The following SDK1 variants were observed in gnomAD, a reference collection of about 807,000 sequenced individuals.
The protein encoded by SDK1 is sidekick cell adhesion molecule 1, also known as protein sidekick-1.
SDK1 carries 157 observed loss-of-function variants against 245.5 expected under a neutral mutation model. The observed-to-expected ratio is 0.64, with a 90% CI of 0.56 to 0.73. SDK1 has a LOEUF of 0.73. Ranked by LOEUF, SDK1 falls within the 30% of genes least tolerant of loss-of-function variation. SDK1 has a pLI of 0.00. For missense variants in SDK1, 3,583 were observed against 3,002.3 expected, an observed-to-expected ratio of 1.19 and a Z score of -4.52; for synonymous variants, 1,647 against 1,278.5, an observed-to-expected ratio of 1.29 and a Z score of -6.15.
At position 4,189,086 on chromosome 7, in the gene SDK1, A is replaced by T. The variant is rs568443861; in HGVS notation, c.5098+10500A>T. ...AAAAGCAAATGCTCCTGGGATTTTG[A>T]TGGAAACGTATTAAATAGTAAAGGG... On this transcript the variant is annotated intron_variant, in intron 35 of 44. Coordinates refer to ENST00000404826, the MANE Select transcript of SDK1 (RefSeq NM_152744.4). Among the ~76,000 whole-genome samples, 7 of 152,106 alleles carry T rather than the reference A, an allele frequency of 4.6e-5. No individual in the cohort carries two copies. The East Asian group carries it at 1.4e-3, about 29-fold the overall frequency.
At chr7:4,044,807 C>G (rs1034754215) in intron 17 of SDK1, among the ~76,000 whole-genome samples, 7 of 152,004 alleles carry the variant, frequency 4.6e-5, no homozygotes, top group African/African-American at 1.7e-4. Context: ...TAAAACTCAC[C>G]CTTTCTAGAG....
intron 27 of SDK1, among the ~76,000 whole-genome samples, 175 bp from the exon 28 acceptor site, chr7:4,132,150 A>C (rs1784869658): frequency 6.6e-6 from 1 of 152,186 alleles, no homozygotes; most frequent in Non-Finnish European, 1.5e-5. Context: ...AGGGAGCCAC[A>C]CTACCAGTGA....
rs530932556 is a variant in SDK1 at position 3,912,199 on chromosome 7, G to A, written c.848-38724G>A. 4.6e-5 allele frequency among the ~76,000 whole-genome samples: 7 copies of A among 152,324 alleles called. No individual in the cohort carries two copies. The East Asian group carries it at 1.2e-3, about 25-fold the overall frequency. ...CGCTGTGTTTTAGGAAGAGGACTCC[G>A]TAATAGAGAGGATGAGCCAGTGGAT... On this transcript the variant is annotated intron_variant, in intron 5 of 44. Coordinates refer to ENST00000404826, the MANE Select transcript of SDK1 (RefSeq NM_152744.4).
chr7:3,606,868 A>T (rs984898228), intron 1 of SDK1, among the ~76,000 whole-genome samples: 1 of 152,176 alleles, frequency 6.6e-6, no homozygotes, highest in Non-Finnish European at 1.5e-5. Context: ...GTGAAATCAT[A>T]AACCAAAATA....
At chr7:4,245,296 C>G (rs891651165) in intron 43 of SDK1, among the ~76,000 whole-genome samples, 2 of 152,146 alleles carry the variant, frequency 1.3e-5, no homozygotes, top group Admixed American at 6.6e-5. Flanking sequence ...TTCCTCATGA[C>G]TCCATCCTCA....
chr7:3,369,523 C>A (rs1025159354), intron 1 of SDK1, among the ~76,000 whole-genome samples: 2 of 152,102 alleles, frequency 1.3e-5, no homozygotes, highest in Admixed American at 6.5e-5. Context: ...TGTTCTGATC[C>A]AAGGAAAAAG....
chr7:3,420,622 T>G (rs1218416703), intron 1 of SDK1, among the ~76,000 whole-genome samples: 2 of 152,224 alleles, frequency 1.3e-5, no homozygotes, highest in African/African-American at 4.8e-5. Flanking sequence ...GAGCTTGATA[T>G]GTGGCTTAAC....
Position 3,586,564 on chromosome 7 carries a change from G to A in SDK1, c.299-32516G>A, listed in dbSNP as rs1438364531. Reference sequence around the variant, plus strand: ...TACAAAAAAAAAAAAAATTAGCTGGGCATTGTGGCGGGCGCCTGTAGTCCT... The same window carrying A: ...TACAAAAAAAAAAAAAATTAGCTGGACATTGTGGCGGGCGCCTGTAGTCCT... On this transcript the variant is annotated intron_variant, in intron 1 of 44. Transcript: ENST00000404826. 3.3e-5 allele frequency among the ~76,000 whole-genome samples: 5 copies of A among 151,786 alleles called. No individual in the cohort carries two copies. The South Asian group carries it at 6.3e-4, about 19-fold the overall frequency.
rs150106656 is a variant in SDK1, at chr7:4,129,980, G to T, written c.4012G>T (p.Ala1338Ser). The T allele has an allele frequency of 3.7e-6, 6 of 1,613,680 alleles. No individual in the cohort carries two copies. In the African/African-American group the frequency reaches 5.3e-5, roughly 14 times the overall value. The change falls in exon 27 of 45, where the codon GCC becomes TCC. Residue 1338 changes from alanine (A) to serine (S), a missense_variant. Transcript: ENST00000404826. Reference protein sequence around the residue: ...HIVRGNHTQSALLAGLRKFVL... With the variant: ...HIVRGNHTQSSLLAGLRKFVL... ...CGTGCGAGGGAACCACACGCAGTCG[G>T]CCCTGCTGGCAGGCCTGCGCAAGTT... is the stretch of plus-strand genomic sequence containing the variant.
intron 4 of SDK1, among the ~76,000 whole-genome samples, chr7:3,736,568 G>A (rs889522778): frequency 4.6e-5 from 7 of 152,030 alleles, no homozygotes; most frequent in African/African-American, 9.7e-5. Context: ...CACCATGCCC[G>A]GCCACATTAG....
chr7:3,513,230 A>T (rs1782638838), intron 1 of SDK1, among the ~76,000 whole-genome samples: 1 of 152,236 alleles, frequency 6.6e-6, no homozygotes. Context: ...GACTTAGGAC[A>T]GTTCTTGTTT....
chr7:3,832,281 G>A (rs974105934), intron 5 of SDK1, among the ~76,000 whole-genome samples: 4 of 152,072 alleles, frequency 2.6e-5, no homozygotes, highest in African/African-American at 4.8e-5. Context: ...GATTTATATC[G>A]CAGAACTGTT....
intron 4 of SDK1, among the ~76,000 whole-genome samples, chr7:3,676,386 C>T (rs1224652136): frequency 2.1e-5 from 3 of 145,946 alleles, no homozygotes; most frequent in Admixed American, 7.1e-5. Context: ...AGTGCAGTGG[C>T]GCAGTCTCAG....
Position 3,678,523 on chromosome 7 carries a change from G to T in SDK1, c.713+36418G>T, listed in dbSNP as rs138069052. Reference sequence around the variant, plus strand: ...TCACTATGCTAAGTGAAACAAGCCAGACATAAAAGAACACCCATTGTGTGG... The same window carrying T: ...TCACTATGCTAAGTGAAACAAGCCATACATAAAAGAACACCCATTGTGTGG... On this transcript the variant is annotated intron_variant, in intron 4 of 44. Coordinates refer to ENST00000404826, the MANE Select transcript of SDK1 (RefSeq NM_152744.4). 1.7e-3 allele frequency among the ~76,000 whole-genome samples: 259 copies of T among 152,320 alleles called. 1 individual carries two copies. Among genetic ancestry groups the T allele is most frequent in the African/African-American group, 6.1e-3 (253 of 41,564 alleles).
intron 1 of SDK1, among the ~76,000 whole-genome samples, chr7:3,601,327 C>T (rs574536521): frequency 8.9e-4 from 135 of 152,188 alleles, no homozygotes; most frequent in African/African-American, 3.2e-3. Flanking sequence ...TAGAATTCTC[C>T]AGTGAAATCA....
At chr7:3,634,904 G>T (rs371606386) in intron 2 of SDK1, among the ~76,000 whole-genome samples, 1 of 152,210 alleles carries the variant, frequency 6.6e-6, no homozygotes, top group Non-Finnish European at 1.5e-5. Context: ...AAGAATTTAA[G>T]ACCTATTTAG....
At chr7:3,638,291 C>G (rs1562621333) in intron 2 of SDK1, among the ~76,000 whole-genome samples, 1 of 152,102 alleles carries the variant, frequency 6.6e-6, no homozygotes, top group Non-Finnish European at 1.5e-5. Flanking sequence ...TGGGTATATA[C>G]CCAAAGGATT....
At chr7:3,990,831 G>A (rs1784248557) in intron 14 of SDK1, among the ~76,000 whole-genome samples, 1 of 152,218 alleles carries the variant, frequency 6.6e-6, no homozygotes, top group Non-Finnish European at 1.5e-5. Context: ...ATGAAAGAAG[G>A]CATGGCTTTG....
intron 1 of SDK1, among the ~76,000 whole-genome samples, chr7:3,320,316 A>G (rs1457762101): frequency 6.6e-6 from 1 of 151,392 alleles, no homozygotes; most frequent in Non-Finnish European, 1.5e-5. Flanking sequence ...TTCTCATATT[A>G]TACATACTTT....
Sources: allele counts gnomAD v4.1 joint callset (sites outside exome capture counted in the v4.1 genomes callset), GRCh38; gene constraint gnomAD v4.1.1; transcripts MANE v1.5; gene names NCBI Gene and HGNC (gene_info 2026-07-23, HGNC 2026-07-21).